The following BDH1 variants were observed in gnomAD, a reference collection of about 807,000 sequenced individuals.
The protein encoded by BDH1 is 3-hydroxybutyrate dehydrogenase 1.
Under a neutral mutation model 33.1 loss-of-function variants are expected in BDH1, and 30 were observed. That is an observed-to-expected ratio of 0.91 (90% CI 0.68 to 1.23). The LOEUF (loss-of-function observed/expected upper bound fraction) is 1.23, where lower values mean the gene tolerates loss of function less well. BDH1 is among the 50% of genes most tolerant of loss of function. The pLI, the probability that BDH1 is intolerant of heterozygous loss-of-function variation, is 0.00. For missense variants in BDH1, 443 were observed against 464.4 expected, an observed-to-expected ratio of 0.95 and a Z score of 0.42; for synonymous variants, 190 against 183.6, an observed-to-expected ratio of 1.03 and a Z score of -0.28.
At chr3:197,569,675 C>T (rs932371012) in intron 1 of BDH1, among the ~76,000 whole-genome samples, 1 of 152,152 alleles carries the variant, frequency 6.6e-6, no homozygotes, top group Non-Finnish European at 1.5e-5. Flanking sequence ...TGGCTTTCAT[C>T]CTCTCTCTTG....
chr3:197,522,050 T>C lies in BDH1; in HGVS notation c.409+590A>G, dbSNP rs1362628946. ...ACCTGACCCATGACTCATATTGAGG[T>C]GCCGGCTAATCCCACCACTTGACCA... On this transcript the variant is annotated intron_variant, in intron 6 of 7. Transcript: ENST00000392379. The surrounding 1 kb of genome is among the most constrained non-coding windows in gnomAD (Gnocchi z 4.8). Among the ~76,000 whole-genome samples, 1 of 152,144 alleles carries C rather than the reference T, an allele frequency of 6.6e-6. No homozygotes were observed. Among genetic ancestry groups the C allele is most frequent in the African/African-American group, 2.4e-5 (1 of 41,422 alleles).
At chr3:197,548,715 G>T (rs1295763429) in intron 2 of BDH1, among the ~76,000 whole-genome samples, 1 of 152,150 alleles carries the variant, frequency 6.6e-6, no homozygotes, top group East Asian at 1.9e-4. Context: ...GCCAGGCGTG[G>T]TGGCGGGCGC....
At position 197,523,722 on chromosome 3, in the gene BDH1, G is replaced by A. The variant is rs1223687732; in HGVS notation, c.268-941C>T. ...GTAAGCGACACAGTGACTGTGTGCT[G>A]TATGGAACCTGGCGGGAGGTGGGAG... On this transcript the variant is annotated intron_variant, in intron 5 of 7. Coordinates refer to ENST00000392379, the MANE Select transcript of BDH1 (RefSeq NM_203314.3). This position sits in a 1 kb window ranked among gnomAD's most constrained non-coding sequence, Gnocchi z 4.5. Among the ~76,000 whole-genome samples, 1 of 152,180 alleles carries A rather than the reference G, an allele frequency of 6.6e-6. No individual in the cohort carries two copies. The highest frequency in any genetic ancestry group is 1.5e-5 in the Non-Finnish European group (1 of 68,032).
intron 2 of BDH1, among the ~76,000 whole-genome samples, chr3:197,551,260 T>C (rs1251001616): frequency 2.0e-5 from 3 of 152,220 alleles, no homozygotes; most frequent in African/African-American, 7.2e-5. Context: ...ATCATTCTAC[T>C]ACATCTCCAT....
At chr3:197,537,367 T>C (rs1715246978) in intron 3 of BDH1, among the ~76,000 whole-genome samples, 1 of 152,246 alleles carries the variant, frequency 6.6e-6, no homozygotes, top group East Asian at 1.9e-4. Flanking sequence ...TTGTGTGTTA[T>C]CTTGTATCTT....
chr3:197,541,971 C>G (rs974475410), intron 3 of BDH1, among the ~76,000 whole-genome samples: 2 of 152,220 alleles, frequency 1.3e-5, no homozygotes, highest in Non-Finnish European at 2.9e-5. Context: ...TAACAAGAAT[C>G]TGGATTTTGT....
At chr3:197,559,075 T>C (rs1717177911), upstream of BDH1, among the ~76,000 whole-genome samples, 1 of 151,276 alleles carries the variant, frequency 6.6e-6, no homozygotes, top group South Asian at 2.1e-4. Flanking sequence ...CGATCTCGGC[T>C]CACTGCAACC....
chr3:197,520,684 G>A lies in BDH1; in HGVS notation c.409+1956C>T, dbSNP rs1480028975. Among the ~76,000 whole-genome samples the A allele has an allele frequency of 6.6e-6, 1 of 152,162 alleles. No homozygotes were observed. Among genetic ancestry groups the A allele is most frequent in the Non-Finnish European group, 1.5e-5 (1 of 68,018 alleles). Reference sequence around the variant, plus strand: ...AATCAAGTGGCTTTATGGTGCCGATGCAGCTGTTTTCCTGCCCAGTAGTTT... The same window carrying A: ...AATCAAGTGGCTTTATGGTGCCGATACAGCTGTTTTCCTGCCCAGTAGTTT... On this transcript the variant is annotated intron_variant, in intron 6 of 7. Coordinates refer to ENST00000392379, the MANE Select transcript of BDH1 (RefSeq NM_203314.3). This position sits in a 1 kb window ranked among gnomAD's most constrained non-coding sequence, Gnocchi z 6.0.
intron 3 of BDH1, among the ~76,000 whole-genome samples, chr3:197,544,899 T>A (rs1038640262): frequency 1.3e-5 from 2 of 152,124 alleles, no homozygotes; most frequent in Non-Finnish European, 2.9e-5. Flanking sequence ...ATACAAAAAA[T>A]TAGCCGGGTG....
chr3:197,546,501 C>T lies in BDH1; in HGVS notation c.-43-15G>A, dbSNP rs1716090392. ...TCCCGGTGGTTCTGAAACATAAATGCACCCTCAGCATTACTTTGTTGCCTT... is the reference window on the plus strand; with the variant it reads ...TCCCGGTGGTTCTGAAACATAAATGTACCCTCAGCATTACTTTGTTGCCTT... On this transcript the variant is annotated splice_polypyrimidine_tract_variant and intron_variant, in intron 2 of 7. Transcript: ENST00000392379. The T allele has an allele frequency of 6.6e-7, 1 of 1,523,998 alleles. No homozygotes were observed. The highest frequency in any genetic ancestry group is 9.1e-7 in the Non-Finnish European group (1 of 1,099,670). The allele number at this position is 1,523,998 out of a possible 1,614,324, so 94.4% of individuals were successfully genotyped here.
At position 197,555,915 on chromosome 3, in the gene BDH1, C is replaced by T. The variant is rs1311914076; in HGVS notation, c.-330G>A. 1 of 152,286 alleles carries T rather than the reference C, an allele frequency of 6.6e-6. No homozygotes were observed. Among genetic ancestry groups the T allele is most frequent in the Non-Finnish European group, 1.5e-5 (1 of 68,076 alleles). The allele number at this position is 152,286 out of a possible 1,614,324, so 9.4% of individuals were successfully genotyped here. A position where few individuals can be genotyped will look rare whatever the true frequency, so the allele number is the denominator to read the frequency against. On this transcript the variant is annotated 5_prime_UTR_variant, in exon 1 of 8. Transcript: ENST00000392379. ...CGCTGCCGCAGGGTCTTTCTGGAAG[C>T]CCCTCCACCAGCACTCCTGCGGCCT...
Position 197,522,722 on chromosome 3 carries a change from G to A in BDH1, c.327C>T (p.Thr109=), listed in dbSNP as rs545423647. The change falls in exon 6 of 8, where the codon ACC becomes ACT. Residue 109 remains threonine (T), a synonymous_variant. Transcript: ENST00000392379. The surrounding 1 kb of genome is among the most constrained non-coding windows in gnomAD (Gnocchi z 4.8). ...LDSLNSDRLR[T]VQLNVCSSEE... is the part of the protein sequence containing the mutation. ...CGCTGCTGCAGACATTGAGCTGGAC[G>A]GTTCTCAATCGGTCACTGTTTAGGC... is the stretch of plus-strand genomic sequence containing the variant. 94 of 1,614,156 alleles carry A rather than the reference G, an allele frequency of 5.8e-5. No homozygotes were observed. The South Asian group carries it at 7.0e-4, about 12-fold the overall frequency.
intron 5 of BDH1, chr3:197,529,964 G>A (rs955145204): frequency 4.6e-5 from 7 of 152,136 alleles, no homozygotes; most frequent in African/African-American, 1.7e-4. Context: ...TGACATTTTA[G>A]GCCGGGTACA....
intron 1 of BDH1, among the ~76,000 whole-genome samples, chr3:197,561,734 A>G (rs778736771): frequency 8.5e-5 from 13 of 152,220 alleles, no homozygotes; most frequent in Non-Finnish European, 1.8e-4. Context: ...ACGGGTAACA[A>G]AGCCTTTCTA....
At chr3:197,550,447 C>A (rs1382255422) in intron 2 of BDH1, among the ~76,000 whole-genome samples, 1 of 152,198 alleles carries the variant, frequency 6.6e-6, no homozygotes, top group East Asian at 1.9e-4. Context: ...CACCTGATGT[C>A]CCCTCCTCTC....
chr3:197,565,482 A>C (rs964323260), intron 1 of BDH1, among the ~76,000 whole-genome samples: 4 of 152,152 alleles, frequency 2.6e-5, no homozygotes, highest in African/African-American at 9.7e-5. Context: ...AAAATGACAT[A>C]ATTTGGCTTA....
At chr3:197,535,282 A>G (rs959934583) in intron 3 of BDH1, among the ~76,000 whole-genome samples, 4 of 152,216 alleles carry the variant, frequency 2.6e-5, no homozygotes, top group African/African-American at 9.7e-5. Context: ...ACCCCGTTGA[A>G]TGTTGAGAAT....
In BDH1 at chr3:197,527,237, AG is replaced by A. The variant is rs1714186879; in HGVS notation, c.268-4457del. 5.3e-5 allele frequency among the ~76,000 whole-genome samples: 8 copies of A among 152,338 alleles called. No individual in the cohort carries two copies. In the South Asian group the frequency reaches 1.7e-3, roughly 32 times the overall value. The stretch of plus-strand genomic sequence containing the variant: ...GGGCAGGAGGAGGAGCTAGCAAGCA[AG>A]ATGGGGAAGAACCCTGAGAGCATAG... On this transcript the variant is annotated intron_variant, in intron 5 of 7. Coordinates refer to ENST00000392379, the MANE Select transcript of BDH1 (RefSeq NM_203314.3).
intron 2 of BDH1, among the ~76,000 whole-genome samples, chr3:197,551,324 CT>C (rs767955310): frequency 8.5e-5 from 13 of 152,190 alleles, no homozygotes; most frequent in Non-Finnish European, 1.8e-4. Flanking sequence ...ACATGCAAAG[CT>C]TGTCTTTCTG....
Sources: gnomAD v4.1 joint callset for allele counts (sites outside exome capture counted in the v4.1 genomes callset) on GRCh38, gnomAD v4.1.1 for gene constraint, Gnocchi (gnomAD v3.1) non-coding constraint, MANE v1.5 for transcripts, NCBI Gene and HGNC (gene_info 2026-07-23, HGNC 2026-07-21) for gene names.